Variants in RNF123 observed in about 807,000 individuals in gnomAD.
The protein encoded by RNF123 is ring finger protein 123.
RNF123 carries 86 observed loss-of-function variants against 168.5 expected under a neutral mutation model. The observed-to-expected ratio is 0.51, with a 90% CI of 0.43 to 0.61. The LOEUF (loss-of-function observed/expected upper bound fraction) is 0.61, where lower values mean the gene tolerates loss of function less well. Among genes scored for constraint, RNF123 ranks in the 20% least tolerant of loss-of-function variants. The pLI is 0.00. For missense variants in RNF123, 1,419 were observed against 1,729.7 expected, an observed-to-expected ratio of 0.82 and a Z score of 3.19; for synonymous variants, 666 against 689.1, an observed-to-expected ratio of 0.97 and a Z score of 0.52.
chr3:49,711,841 C>T (rs533363618), intron 26 of RNF123, among the ~76,000 whole-genome samples: 1 of 152,278 alleles, frequency 6.6e-6, no homozygotes, highest in East Asian at 1.9e-4. Context: ...CCTGCTTTCC[C>T]ACCACCTTCT....
chr3:49,698,857 C>G, intron 9 of RNF123, 35 bp downstream of exon 9: 1 of 1,609,874 alleles, frequency 6.2e-7, no homozygotes, highest in African/African-American at 1.3e-5. Context: ...GGCCTGGCCC[C>G]TGGGGCCTCC....
intron 35 of RNF123, chr3:49,719,766 G>A: frequency 2.9e-6 from 1 of 348,706 alleles, no homozygotes; most frequent in South Asian, 6.9e-5. Flanking sequence ...TGAGGAGGCG[G>A]GGCGGCTACA....
intron 21 of RNF123, 90 bp downstream of exon 21, chr3:49,703,618 T>C: frequency 1.9e-6 from 2 of 1,037,784 alleles, no homozygotes; most frequent in Non-Finnish European, 2.8e-6. Flanking sequence ...TGAGCCATCC[T>C]ATGGCCACCA....
At position 49,720,635 on chromosome 3, in the gene RNF123, C is replaced by T. The variant is rs139665550; in HGVS notation, c.3625C>T (p.Arg1209Cys). ...GTALPAPDRK[R>C]FSLQSYADYI... Reference sequence around the variant, plus strand: ...TGCTCTGCCAGCCCCTGACCGGAAGCGCTTCTCCCTGCAGAGCTGTGAGTG... The same window carrying T: ...TGCTCTGCCAGCCCCTGACCGGAAGTGCTTCTCCCTGCAGAGCTGTGAGTG... The change falls in exon 36 of 39, where the codon CGC becomes TGC. Residue 1209 changes from arginine to cysteine, a missense_variant. Physicochemically the swap from Arg to Cys is radical, Grantham distance 180. Transcript: ENST00000327697. 20 of 1,600,944 alleles carry T rather than the reference C, an allele frequency of 1.2e-5. No homozygotes were observed. The highest frequency in any genetic ancestry group is 2.7e-5 in the African/African-American group (2 of 74,698).
intron 35 of RNF123, chr3:49,717,804 A>G: frequency 1.2e-6 from 1 of 839,936 alleles, no homozygotes; most frequent in Non-Finnish European, 1.8e-6. Flanking sequence ...GTGAGCGAGA[A>G]GGCCCATTGT....
chr3:49,713,638 C>T, intron 28 of RNF123, 51 bp downstream of exon 28: 1 of 1,586,880 alleles, frequency 6.3e-7, no homozygotes, highest in South Asian at 1.1e-5. Flanking sequence ...GATGGCACCT[C>T]TGGTCGGCTT....
Position 49,705,612 on chromosome 3 carries a change from C to T in RNF123, c.2237C>T (p.Ser746Leu), listed in dbSNP as rs776566850. The T allele has an allele frequency of 8.7e-6, 14 of 1,613,890 alleles. No homozygotes were observed. Among genetic ancestry groups the T allele is most frequent in the East Asian group, 2.2e-5 (1 of 44,876 alleles). Residue 746 changes from serine (S) to leucine (L), a missense_variant, in exon 24 of 39, where the codon TCG (serine) becomes TTG (leucine). By Grantham distance (145) the Ser-to-Leu change is moderately radical (BLOSUM62 -2). This residue lies in a region of RNF123 where 538 missense variants were observed against 708.8 expected (regional missense o/e 0.76). Coordinates refer to ENST00000327697, the MANE Select transcript of RNF123 (RefSeq NM_022064.5). ...CCTGAGCAGCCCCTCACCGAGAACT[C>T]GCTGCTGGAAGTCCTGGATGGGGCG... is the stretch of plus-strand genomic sequence containing the variant. ...EEPEQPLTEN[S>L]LLEVLDGAVM...
At position 49,696,897 on chromosome 3, in the gene RNF123, C is replaced by T. The variant is rs1408258649; in HGVS notation, c.168-246C>T. Reference sequence around the variant, plus strand: ...CTGACCTCAGGTGATCTGCCCGCCTCGGCCTCCCAAAGTGCTGGGATTACA... The same window carrying T: ...CTGACCTCAGGTGATCTGCCCGCCTTGGCCTCCCAAAGTGCTGGGATTACA... On this transcript the variant is annotated intron_variant, in intron 3 of 38. Coordinates refer to ENST00000327697, the MANE Select transcript of RNF123 (RefSeq NM_022064.5). 7.8e-5 allele frequency: 35 copies of T among 450,544 alleles called. No homozygotes were observed. In the East Asian group the frequency reaches 9.4e-4, roughly 12 times the overall value. The allele number at this position is 450,544 out of a possible 1,614,324, so 27.9% of individuals were successfully genotyped here.
intron 27 of RNF123, 95 bp from the exon 28 acceptor site, chr3:49,713,418 C>A: frequency 7.9e-7 from 1 of 1,258,984 alleles, no homozygotes. Flanking sequence ...GGAGCCAGCT[C>A]TAGAGCCTGC....
chr3:49,697,503 C>CATAG, intron 5 of RNF123, 46 bp downstream of exon 5: 1 of 1,444,198 alleles, frequency 6.9e-7, no homozygotes, highest in Non-Finnish European at 9.4e-7. Context: ...CCCCTTCTGA[C>CATAG]ATAGCCCCAG....
At chr3:49,709,659 G>A (rs1318945605) in intron 26 of RNF123, among the ~76,000 whole-genome samples, 8 of 148,784 alleles carry the variant, frequency 5.4e-5, no homozygotes, top group Admixed American at 3.4e-4. Flanking sequence ...GGCTGGTCTT[G>A]AACTCCCGAC....
intron 29 of RNF123, 35 bp downstream of exon 29, chr3:49,713,860 C>T (rs777581471): frequency 6.2e-7 from 1 of 1,613,182 alleles, no homozygotes; most frequent in Non-Finnish European, 8.5e-7. Flanking sequence ...ACCCTGGCCA[C>T]AAGCACCATG....
intron 24 of RNF123, 62 bp downstream of exon 24, chr3:49,705,741 A>G: frequency 6.2e-7 from 1 of 1,607,362 alleles, no homozygotes; most frequent in Non-Finnish European, 8.5e-7. Flanking sequence ...TTGTGTGTGT[A>G]TTCCTGTGTG....
In RNF123 at chr3:49,703,433, A is replaced by G. The variant is rs148871026; in HGVS notation, c.1757A>G (p.Tyr586Cys). Residue 586 changes from tyrosine (Y) to cysteine (C), a missense_variant, in exon 21 of 39, where the codon TAC (tyrosine) becomes TGC (cysteine). Physicochemically the swap from Tyr to Cys is radical, Grantham distance 194 (BLOSUM62 -2). Around this residue, in one of 5 missense-constraint regions of RNF123, gnomAD observed 349 missense variants for 344.9 expected, o/e 1.01. Coordinates refer to ENST00000327697, the MANE Select transcript of RNF123 (RefSeq NM_022064.5). ...CCTCCTCAATTCCTCGCAGAGGCCT[A>G]CATCCCGCCCCAGGTCTTCTATAAT... is the stretch of plus-strand genomic sequence containing the variant. Reference protein sequence around the residue: ...NPHASFSEEAYIPPQVFYNGK... With the variant: ...NPHASFSEEACIPPQVFYNGK... 3.7e-6 allele frequency: 6 copies of G among 1,613,796 alleles called. No homozygotes were observed. Among genetic ancestry groups the G allele is most frequent in the South Asian group, 1.1e-5 (1 of 91,068 alleles).
chr3:49,710,302 G>T (rs1294177994), intron 26 of RNF123, among the ~76,000 whole-genome samples: 1 of 152,096 alleles, frequency 6.6e-6, no homozygotes, highest in Non-Finnish European at 1.5e-5. Context: ...TGTTTTGAGA[G>T]GGAGTCTCGC....
At chr3:49,718,908 AAGC>A (rs1425027620) in intron 35 of RNF123, 1 of 1,613,672 alleles carries the variant, frequency 6.2e-7, no homozygotes, top group Admixed American at 1.7e-5. Context: ...GGTCCAGAGT[AAGC>A]AGGTGGGTGG....
At position 49,699,884 on chromosome 3, in the gene RNF123, C is replaced by A; in HGVS notation, c.984+112C>A. The stretch of plus-strand genomic sequence containing the variant: ...CAGTGCTGAGGTCCCACAGCATCAC[C>A]TGGCGAGGGCCCCATGTGACCAGGG... On this transcript the variant is annotated intron_variant, in intron 12 of 38. Transcript: ENST00000327697. The surrounding 1 kb of genome is among the most constrained non-coding windows in gnomAD (Gnocchi z 4.8). The A allele has an allele frequency of 8.7e-7, 1 of 1,150,522 alleles. No individual in the cohort carries two copies. The highest frequency in any genetic ancestry group is 1.3e-6 in the Non-Finnish European group (1 of 795,648). The allele number at this position is 1,150,522 out of a possible 1,614,324, so 71.3% of individuals were successfully genotyped here.
chr3:49,719,761 A>C, intron 35 of RNF123: 1 of 353,980 alleles, frequency 2.8e-6, no homozygotes, highest in Non-Finnish European at 5.4e-6. Flanking sequence ...CCGTTTGAGG[A>C]GGCGGGGCGG....
At chr3:49,712,733 C>A (rs1277389616) in intron 27 of RNF123, 77 bp downstream of exon 27, 3 of 1,506,072 alleles carry the variant, frequency 2.0e-6, no homozygotes, top group Non-Finnish European at 2.8e-6. Flanking sequence ...TGGTCTGAGA[C>A]CTCTGTGGCC....
Sources: allele counts gnomAD v4.1 joint callset (sites outside exome capture counted in the v4.1 genomes callset), GRCh38; gene constraint gnomAD v4.1.1; regional missense constraint gnomAD v4.1.1; non-coding constraint Gnocchi (gnomAD v3.1); transcripts MANE v1.5; gene names NCBI Gene and HGNC (gene_info 2026-07-23, HGNC 2026-07-21).